NTM: variants seen among roughly 807,000 people sequenced by gnomAD.
NTM encodes IgLON family member 2.
NTM carries 13 observed loss-of-function variants against 42.1 expected under a neutral mutation model. The ratio of observed to expected loss-of-function variants is 0.31; its 90% CI spans 0.20 to 0.49. The LOEUF (loss-of-function observed/expected upper bound fraction) is 0.49. Among genes scored for constraint, NTM ranks in the 20% least tolerant of loss-of-function variants. NTM has a pLI of 0.99. For synonymous variants in NTM, 187 were observed against 179.2 expected, an observed-to-expected ratio of 1.04 and a Z score of -0.35; for missense variants, 373 against 452.8, an observed-to-expected ratio of 0.82 and a Z score of 1.60.
chr11:131,774,053 C>T, intron 1 of NTM: 1 of 984,002 alleles, frequency 1.0e-6, no homozygotes, highest in Non-Finnish European at 1.2e-6. Flanking sequence ...TTGACTTTGC[C>T]TTCCTCTGTT....
intron 1 of NTM, among the ~76,000 whole-genome samples, chr11:131,590,974 T>A (rs566740809): frequency 2.1e-4 from 32 of 152,212 alleles, no homozygotes; most frequent in African/African-American, 7.5e-4. Context: ...AGGACTGCAC[T>A]CCCAGGAGAA....
chr11:131,457,582 G>T (rs1229848705), intron 1 of NTM, among the ~76,000 whole-genome samples: 1 of 152,192 alleles, frequency 6.6e-6, no homozygotes, highest in Non-Finnish European at 1.5e-5. Flanking sequence ...CTGCGGCATG[G>T]TAAGTTTACA....
chr11:132,133,049 CA>C (rs1158349189), intron 2 of NTM, among the ~76,000 whole-genome samples: 2 of 152,170 alleles, frequency 1.3e-5, no homozygotes, highest in Non-Finnish European at 2.9e-5. Flanking sequence ...CGCTGTCATC[CA>C]AAATCTTTCT....
At chr11:131,484,600 G>A (rs1953958208) in intron 1 of NTM, among the ~76,000 whole-genome samples, 1 of 152,284 alleles carries the variant, frequency 6.6e-6, no homozygotes, top group South Asian at 2.1e-4. Flanking sequence ...GCCATCCACA[G>A]GAGAGTGAGA....
intron 1 of NTM, among the ~76,000 whole-genome samples, chr11:131,380,572 T>C (rs1942548607): frequency 1.3e-5 from 2 of 152,128 alleles, no homozygotes. Flanking sequence ...ACTGTTCATA[T>C]CCACAACCTG....
chr11:132,201,873 T>C (rs1282101480), intron 3 of NTM, among the ~76,000 whole-genome samples: 1 of 152,174 alleles, frequency 6.6e-6, no homozygotes, highest in African/African-American at 2.4e-5. Context: ...TCTAGCTCAG[T>C]GGCTTCGAGC....
chr11:132,317,246 G>T (rs1341387764), intron 7 of NTM, among the ~76,000 whole-genome samples: 1 of 152,170 alleles, frequency 6.6e-6, no homozygotes, highest in East Asian at 1.9e-4. Flanking sequence ...CTACCGTGGT[G>T]CCAGGGGCAA....
chr11:132,219,709 A>G (rs550272474), intron 4 of NTM, among the ~76,000 whole-genome samples: 1 of 152,072 alleles, frequency 6.6e-6, no homozygotes, highest in African/African-American at 2.4e-5. Flanking sequence ...ACCTTCCCAC[A>G]TGGATATGAC....
chr11:131,621,531 G>T (rs1276821791), intron 1 of NTM, among the ~76,000 whole-genome samples: 1 of 150,880 alleles, frequency 6.6e-6, no homozygotes, highest in East Asian at 2.0e-4. Context: ...CTGGATTAGT[G>T]GTGTGTGCCT....
intron 2 of NTM, among the ~76,000 whole-genome samples, chr11:132,061,217 A>T (rs1292863242): frequency 2.0e-5 from 3 of 152,254 alleles, no homozygotes; most frequent in Non-Finnish European, 2.9e-5. Flanking sequence ...CATAGCAGTT[A>T]TCAGCTGTTT....
chr11:131,710,490 C>T (rs1379541762), intron 1 of NTM, among the ~76,000 whole-genome samples: 2 of 152,088 alleles, frequency 1.3e-5, no homozygotes, highest in Non-Finnish European at 2.9e-5. Context: ...TTCTCCAGCT[C>T]TGTACTGAAA....
At chr11:132,292,981 T>C (rs2094500139) in intron 4 of NTM, among the ~76,000 whole-genome samples, 1 of 151,974 alleles carries the variant, frequency 6.6e-6, no homozygotes, top group South Asian at 2.1e-4. Context: ...TAGGTGTGAA[T>C]GTGGAGTAGG....
At chr11:131,442,572 C>T (rs1489160353) in intron 1 of NTM, among the ~76,000 whole-genome samples, 11 of 152,142 alleles carry the variant, frequency 7.2e-5, no homozygotes, top group Admixed American at 7.2e-4. Flanking sequence ...ATCCCTTTCC[C>T]ATCTTCCCCC....
At chr11:132,315,549 T>TGTTAACAAGCACTCTTGAATGTGATG (rs1187243140) in intron 7 of NTM, among the ~76,000 whole-genome samples, 8 of 152,198 alleles carry the variant, frequency 5.3e-5, no homozygotes, top group African/African-American at 1.9e-4. Context: ...CAATCCCTCA[T>TGTTAACAAGCACTCTTGAATGTGATG]GTTAACAAGC....
intron 1 of NTM, among the ~76,000 whole-genome samples, chr11:131,376,574 T>C (rs150094383): frequency 2.5e-4 from 38 of 152,206 alleles, no homozygotes; most frequent in Middle Eastern, 3.4e-3. Flanking sequence ...GAGAAGAGCG[T>C]ATTTCAAGAG....
chr11:132,315,573 A>G (rs2095407207), intron 7 of NTM, among the ~76,000 whole-genome samples: 2 of 152,212 alleles, frequency 1.3e-5, no homozygotes, highest in Non-Finnish European at 2.9e-5. Flanking sequence ...CTTGAATGTG[A>G]TGGGGAAGTA....
chr11:132,189,159 A>G (rs778750781), intron 3 of NTM, among the ~76,000 whole-genome samples: 1 of 152,154 alleles, frequency 6.6e-6, no homozygotes, highest in Non-Finnish European at 1.5e-5. Flanking sequence ...AAGAACAAAT[A>G]TGCAAGTCTA....
At chr11:131,712,638 T>C (rs2077295027) in intron 1 of NTM, among the ~76,000 whole-genome samples, 2 of 152,122 alleles carry the variant, frequency 1.3e-5, no homozygotes, top group Non-Finnish European at 2.9e-5. Flanking sequence ...AGACAGGATC[T>C]CACTCTGTCA....
chr11:131,957,223 A>G (rs2061649613), intron 2 of NTM, among the ~76,000 whole-genome samples: 2 of 152,232 alleles, frequency 1.3e-5, no homozygotes, highest in Admixed American at 1.3e-4. Flanking sequence ...AGATAATTGT[A>G]ACATATATGA....
Sources: gnomAD v4.1 joint callset for allele counts (sites outside exome capture counted in the v4.1 genomes callset) on GRCh38, gnomAD v4.1.1 for gene constraint, MANE v1.5 for transcripts, NCBI Gene and HGNC (gene_info 2026-07-23, HGNC 2026-07-21) for gene names.